The following RIMKLB variants were observed in gnomAD, a reference collection of about 807,000 sequenced individuals.
RIMKLB encodes ribosomal modification protein rimK like family member B.
RIMKLB carries 7 observed loss-of-function variants against 32.0 expected under a neutral mutation model. That is an observed-to-expected ratio of 0.22 (90% CI 0.12 to 0.41). The LOEUF (loss-of-function observed/expected upper bound fraction) is 0.41. Among genes scored for constraint, RIMKLB ranks in the 10% least tolerant of loss-of-function variants. The pLI, the probability that RIMKLB is intolerant of heterozygous loss-of-function variation, is 1.00. For missense variants in RIMKLB, 289 were observed against 498.7 expected (o/e 0.58, Z 4.00); for synonymous variants, 172 against 185.1 (o/e 0.93, Z 0.57).
upstream of RIMKLB, among the ~76,000 whole-genome samples, chr12:8,694,929 A>G (rs1565542556): frequency 6.6e-6 from 1 of 152,268 alleles, no homozygotes; most frequent in East Asian, 1.9e-4. Context: ...GTTAGTCTTG[A>G]ATAATAATAG....
intron 2 of RIMKLB, among the ~76,000 whole-genome samples, chr12:8,715,228 C>CCTTTTTTTTTTTTTT (rs1445737752): frequency 9.7e-5 from 12 of 123,756 alleles, no homozygotes; most frequent in African/African-American, 3.6e-4. Context: ...TGCTCTTGTT[C>CCTTTTTTTTTTTTTT]TTTTTTTTTT....
chr12:8,687,151 G>A (rs1254755417), intron 1 of RIMKLB, among the ~76,000 whole-genome samples: 4 of 152,120 alleles, frequency 2.6e-5, no homozygotes, highest in Admixed American at 6.6e-5. Flanking sequence ...AGGATGATCC[G>A]TTTACTGTGA....
In RIMKLB at chr12:8,732,146, G is replaced by C. The variant is rs766905586; in HGVS notation, c.176-17716G>C. On this transcript the variant is annotated intron_variant, in intron 2 of 5. Transcript: ENST00000535829. ...AGCTTGAGACCCTGTTGGTATTGGA[G>C]ATTTTTGTAGATTTAATGACCAAAT... 2.6e-5 allele frequency among the ~76,000 whole-genome samples: 4 copies of C among 152,116 alleles called. No homozygotes were observed. The South Asian group carries it at 8.3e-4, about 32-fold the overall frequency.
At chr12:8,743,238 C>T (rs1282778360) in intron 2 of RIMKLB, among the ~76,000 whole-genome samples, 2 of 150,870 alleles carry the variant, frequency 1.3e-5, no homozygotes, top group Admixed American at 6.6e-5. Flanking sequence ...CCTGTAATCC[C>T]AGCTACTTGG....
chr12:8,707,604 C>G (rs1433929480), intron 1 of RIMKLB, among the ~76,000 whole-genome samples: 3 of 152,176 alleles, frequency 2.0e-5, no homozygotes, highest in Non-Finnish European at 4.4e-5. Flanking sequence ...GCCCGTCTCC[C>G]GTCTCCAGAG....
At chr12:8,718,695 G>T (rs976004828) in intron 2 of RIMKLB, among the ~76,000 whole-genome samples, 1 of 151,578 alleles carries the variant, frequency 6.6e-6, no homozygotes, top group Middle Eastern at 3.4e-3. Flanking sequence ...GTGTGTGTGT[G>T]TGTGTGTGTG....
downstream of RIMKLB, chr12:8,780,483 G>T (rs188154875): frequency 2.6e-5 from 4 of 152,280 alleles, no homozygotes; most frequent in Admixed American, 2.6e-4. Context: ...GTTGGTGTAT[G>T]TGCAAAAATA....
downstream of RIMKLB, among the ~76,000 whole-genome samples, chr12:8,781,205 G>A (rs57698907): frequency 7.3e-3 from 1,108 of 152,244 alleles, 21 homozygotes; most frequent in African/African-American, 0.025. Context: ...GCTGGACGTG[G>A]TGGCGGGCAC....
chr12:8,716,409 C>T (rs1217737980), intron 2 of RIMKLB, among the ~76,000 whole-genome samples: 1 of 147,918 alleles, frequency 6.8e-6, no homozygotes, highest in African/African-American at 2.5e-5. Context: ...CTCCCATTAA[C>T]CTAGCCTTAC....
chr12:8,701,277 GAT>G (rs949503928), intron 1 of RIMKLB, among the ~76,000 whole-genome samples: 3 of 152,160 alleles, frequency 2.0e-5, no homozygotes, highest in Non-Finnish European at 4.4e-5. Context: ...TGTTAAATAA[GAT>G]AGTACCTCCA....
At chr12:8,729,685 C>T (rs1946365607) in intron 2 of RIMKLB, among the ~76,000 whole-genome samples, 1 of 152,114 alleles carries the variant, frequency 6.6e-6, no homozygotes, top group African/African-American at 2.4e-5. Flanking sequence ...CTCTTTTGTC[C>T]AGAATTTCCC....
chr12:8,743,762 T>TCC (rs1379273504), intron 2 of RIMKLB, among the ~76,000 whole-genome samples: 1 of 151,870 alleles, frequency 6.6e-6, no homozygotes, highest in African/African-American at 2.4e-5. Flanking sequence ...AAAGATTGCT[T>TCC]CCCCACCCCA....
chr12:8,697,779 G>T (rs1193934063), upstream of RIMKLB: 5 of 177,216 alleles, frequency 2.8e-5, no homozygotes, highest in Non-Finnish European at 6.3e-5. Context: ...CTCGACGCAG[G>T]TGTCAGATCC....
At chr12:8,671,547 G>A in the RIMKLB span, among the ~76,000 whole-genome samples, 2 of 151,550 alleles carry the variant, frequency 1.3e-5, no homozygotes, top group East Asian at 4.0e-4. Context: ...ACCGCACCCA[G>A]CTGGGTTTTT....
In RIMKLB at chr12:8,777,086, T is replaced by A. The variant is rs1365500613; in HGVS notation, c.*3302T>A. 1 of 985,886 alleles carries A rather than the reference T, an allele frequency of 1.0e-6. No individual in the cohort carries two copies. Among genetic ancestry groups the A allele is most frequent in the Non-Finnish European group, 1.2e-6 (1 of 830,056 alleles). The allele number at this position is 985,886 out of a possible 1,614,324, so 61.1% of individuals were successfully genotyped here. ...TGTAGGTGCTCAGACAGGTAACCAC[T>A]GCTGCTACTGTTTTTATTTGTTTGT... On this transcript the variant is annotated 3_prime_UTR_variant, in exon 6 of 6. Coordinates refer to ENST00000535829, the MANE Select transcript of RIMKLB (RefSeq NM_001297776.2).
intron 2 of RIMKLB, among the ~76,000 whole-genome samples, chr12:8,721,508 A>C (rs1392815626): frequency 6.6e-6 from 1 of 152,222 alleles, no homozygotes; most frequent in African/African-American, 2.4e-5. Context: ...CCATTTGGTC[A>C]TCTGTAAGAA....
rs1950584680 is a variant in RIMKLB at position 8,773,972 on chromosome 12, C to T, written c.*188C>T. On this transcript the variant is annotated 3_prime_UTR_variant, in exon 6 of 6. Coordinates refer to ENST00000535829, the MANE Select transcript of RIMKLB (RefSeq NM_001297776.2). The stretch of plus-strand genomic sequence containing the variant: ...TAAGATGTTACTTTCATTTACAAAT[C>T]CTACAAATAGAGAGGCAGAATAGGT... 1.2e-5 allele frequency: 17 copies of T among 1,398,244 alleles called. No individual in the cohort carries two copies. In the South Asian group the frequency reaches 3.0e-4, roughly 25 times the overall value. The allele number at this position is 1,398,244 out of a possible 1,614,324, so 86.6% of individuals were successfully genotyped here.
intron 1 of RIMKLB, among the ~76,000 whole-genome samples, chr12:8,703,819 G>A (rs773563788): frequency 4.5e-4 from 69 of 152,320 alleles, no homozygotes; most frequent in South Asian, 1.2e-3. Context: ...CAGAGGGATG[G>A]TTGTGAGGAT....
intron 1 of RIMKLB, among the ~76,000 whole-genome samples, chr12:8,710,152 A>AT (rs769890560): frequency 0.048 from 6,769 of 141,428 alleles, 331 homozygotes; most frequent in African/African-American, 0.13. Context: ...ACACCCGGCT[A>AT]TTTTTTTTTT....
Sources: gnomAD v4.1 joint callset for allele counts (sites outside exome capture counted in the v4.1 genomes callset) on GRCh38, gnomAD v4.1.1 for gene constraint, MANE v1.5 for transcripts, NCBI Gene and HGNC (gene_info 2026-07-23, HGNC 2026-07-21) for gene names.